The following CRISPLD1 variants were observed in gnomAD, a reference collection of about 807,000 sequenced individuals.
CRISPLD1 encodes cysteine rich secretory protein LCCL domain containing 1, also known as cysteine-rich secretory protein LCCL domain-containing 1.
In CRISPLD1, 60 loss-of-function variants were observed where a neutral mutation model predicts 77.5. That is an observed-to-expected ratio of 0.77 (90% CI 0.63 to 0.96). CRISPLD1 has a LOEUF of 0.96. CRISPLD1 is among the 40% of genes least tolerant of loss of function. The probability of loss-of-function intolerance (pLI) is 0.00; values close to 1 mark genes in which losing one functional copy is unlikely to be tolerated. For missense variants in CRISPLD1, 623 were observed against 615.8 expected, an observed-to-expected ratio of 1.01 and a Z score of -0.12; for synonymous variants, 195 against 200.1, an observed-to-expected ratio of 0.97 and a Z score of 0.22.
In CRISPLD1 at chr8:75,014,831, G is replaced by C; in HGVS notation, c.646G>C (p.Ala216Pro). Residue 216 changes from alanine (A) to proline (P), a missense_variant, in exon 6 of 15, where the codon GCC becomes CCC. Physicochemically the swap from Ala to Pro is conservative, Grantham distance 27 (BLOSUM62 -1). Coordinates refer to ENST00000262207, the MANE Select transcript of CRISPLD1 (RefSeq NM_031461.6). ...TTAAAGGGGAAACTGGTGGGGCCAT[G>C]CCCCTTACAAACATGGGCGGCCCTG... ...YSPKGNWWGH[A>P]PYKHGRPCSA... 1 of 1,596,280 alleles carries C rather than the reference G, an allele frequency of 6.3e-7. No homozygotes were observed. Among genetic ancestry groups the C allele is most frequent in the East Asian group, 2.3e-5 (1 of 43,544 alleles).
intron 5 of CRISPLD1, 104 bp from the exon 6 acceptor site, chr8:75,014,708 C>A: frequency 1.4e-6 from 1 of 713,246 alleles, no homozygotes. Context: ...TAAATCTATA[C>A]GCCAAAATAA....
intron 2 of CRISPLD1, among the ~76,000 whole-genome samples, chr8:74,997,601 G>GT (rs1238240071): frequency 6.6e-6 from 1 of 152,146 alleles, no homozygotes; most frequent in African/African-American, 2.4e-5. Flanking sequence ...CAAGAAGAAG[G>GT]TTTTTTATAG....
At chr8:74,992,784 C>T (rs1812591517) in intron 2 of CRISPLD1, among the ~76,000 whole-genome samples, 1 of 152,146 alleles carries the variant, frequency 6.6e-6, no homozygotes. Flanking sequence ...GCAACCAGAA[C>T]CCAGGGGCCA....
intron 6 of CRISPLD1, among the ~76,000 whole-genome samples, chr8:75,015,260 T>C (rs569299320): frequency 2.3e-4 from 35 of 152,256 alleles, no homozygotes; most frequent in African/African-American, 6.7e-4. Flanking sequence ...GATTTAGCAA[T>C]TTAACACAAT....
At chr8:75,016,999 A>T in intron 8 of CRISPLD1, 48 bp from the exon 9 acceptor site, 1 of 1,565,082 alleles carries the variant, frequency 6.4e-7, no homozygotes, top group Non-Finnish European at 8.7e-7. Flanking sequence ...TTTATTTTGT[A>T]CTGACATTCA....
intron 2 of CRISPLD1, among the ~76,000 whole-genome samples, chr8:75,005,324 G>A (rs1028063507): frequency 5.3e-5 from 8 of 152,004 alleles, no homozygotes; most frequent in African/African-American, 1.9e-4. Context: ...AAAAGAATTC[G>A]GAAAGACTTA....
intron 2 of CRISPLD1, 28 bp from the exon 3 acceptor site, chr8:75,012,405 C>T (rs1262745472): frequency 3.8e-6 from 5 of 1,328,990 alleles, no homozygotes; most frequent in Non-Finnish European, 5.4e-6. Flanking sequence ...GCTACATGTG[C>T]ACATTTTGCT....
chr8:75,029,289 G>C lies in CRISPLD1; in HGVS notation c.1321-98G>C, dbSNP rs549763852. 6.5e-5 allele frequency: 76 copies of C among 1,165,404 alleles called. No individual in the cohort carries two copies. In the African/African-American group the frequency reaches 1.1e-3, roughly 17 times the overall value. 72.2% of individuals were successfully genotyped at this position (1,165,404 alleles called of 1,614,324 possible). A position where few individuals can be genotyped will look rare whatever the true frequency, so the allele number is the denominator to read the frequency against. On this transcript the variant is annotated intron_variant, in intron 13 of 14. Transcript: ENST00000262207. ...TGCTCACTGGCTATCCATGACATCA[G>C]GATGTCAGCGACTTCAGTCTATTAA...
At chr8:75,010,702 T>C (rs1333413376) in intron 2 of CRISPLD1, among the ~76,000 whole-genome samples, 1 of 152,118 alleles carries the variant, frequency 6.6e-6, no homozygotes, top group African/African-American at 2.4e-5. Flanking sequence ...AGTTTTTCTG[T>C]AACCTCTTTT....
chr8:75,006,588 A>G (rs1162955465), intron 2 of CRISPLD1, among the ~76,000 whole-genome samples: 1 of 152,168 alleles, frequency 6.6e-6, no homozygotes, highest in Non-Finnish European at 1.5e-5. Flanking sequence ...GCATTTAACA[A>G]TTATGAAGTT....
At chr8:75,011,266 G>C (rs867595814) in intron 2 of CRISPLD1, among the ~76,000 whole-genome samples, 31 of 128,608 alleles carry the variant, frequency 2.4e-4, no homozygotes, top group East Asian at 9.3e-4. Flanking sequence ...CTAATGCTAT[G>C]CCTCCCCCCT....
chr8:74,997,306 G>A (rs1272474347), intron 2 of CRISPLD1, among the ~76,000 whole-genome samples: 2 of 152,128 alleles, frequency 1.3e-5, no homozygotes, highest in South Asian at 2.1e-4. Flanking sequence ...TGGGATTCCC[G>A]ATGGGTTTTG....
chr8:74,993,015 T>C (rs1390072050), intron 2 of CRISPLD1, among the ~76,000 whole-genome samples: 1 of 151,308 alleles, frequency 6.6e-6, no homozygotes, highest in East Asian at 1.9e-4. Context: ...ATCTGGAATA[T>C]GCAAAAGTGA....
At chr8:75,013,357 A>G (rs1490069232) in intron 4 of CRISPLD1, among the ~76,000 whole-genome samples, 1 of 152,078 alleles carries the variant, frequency 6.6e-6, no homozygotes, top group African/African-American at 2.4e-5. Context: ...TTTACCAATG[A>G]CATTCAATAT....
chr8:75,016,979 A>C, intron 8 of CRISPLD1, 38 bp downstream of exon 8: 1 of 1,518,840 alleles, frequency 6.6e-7, no homozygotes, highest in Non-Finnish European at 8.9e-7. Context: ...AATTGAATAT[A>C]ATAAATATTT....
At chr8:75,030,187 C>G (rs1813309172) in intron 14 of CRISPLD1, among the ~76,000 whole-genome samples, 2 of 152,020 alleles carry the variant, frequency 1.3e-5, no homozygotes, top group Non-Finnish European at 2.9e-5. Context: ...AAATCCCTAA[C>G]TTTTAGATAT....
At chr8:75,031,567 CTGTGTGTGTGTGTGTGTG>C (rs755567610) in intron 14 of CRISPLD1, among the ~76,000 whole-genome samples, 1 of 65,674 alleles carries the variant, frequency 1.5e-5, no homozygotes, top group East Asian at 3.8e-4. Flanking sequence ...ATTGAATGCT[CTGTGTGTGTGTGTGTGTG>C]TGTGTGTGTG....
intron 7 of CRISPLD1, 85 bp downstream of exon 7, chr8:75,016,790 G>T (rs977906940): frequency 1.1e-5 from 17 of 1,550,880 alleles, no homozygotes; most frequent in Non-Finnish European, 1.4e-5. Flanking sequence ...AACATTTTTA[G>T]AATGGAAAAA....
At chr8:75,004,756 GAT>G (rs2128783357) in intron 2 of CRISPLD1, among the ~76,000 whole-genome samples, 1 of 152,244 alleles carries the variant, frequency 6.6e-6, no homozygotes, top group Admixed American at 6.5e-5. Context: ...TTTTTAAAAA[GAT>G]AATTCTGTAT....
Sources: gnomAD v4.1 joint callset for allele counts (sites outside exome capture counted in the v4.1 genomes callset) on GRCh38, gnomAD v4.1.1 for gene constraint, MANE v1.5 for transcripts, NCBI Gene and HGNC (gene_info 2026-07-23, HGNC 2026-07-21) for gene names.